The following PHF24 variants were observed in gnomAD, a reference collection of about 807,000 sequenced individuals.
PHF24 encodes the protein Galpha inhibitory interacting protein.
In PHF24, 25 loss-of-function variants were observed where a neutral mutation model predicts 42.6. That is an observed-to-expected ratio of 0.59 (90% CI 0.43 to 0.82). The LOEUF is 0.82. PHF24 is among the 40% of genes least tolerant of loss of function. The pLI is 0.00. For missense variants in PHF24, 470 were observed against 538.1 expected (o/e 0.87, Z 1.25); for synonymous variants, 185 against 204.8 (o/e 0.90, Z 0.83).
At chr9:34,683,987 C>T in the PHF24 span, among the ~76,000 whole-genome samples, 1,121 of 152,240 alleles carry the variant, frequency 7.4e-3, 9 homozygotes, top group East Asian at 0.031. Context: ...TGTACTGTAC[C>T]GTATGCTCTG....
chr9:34,682,037 T>C, the PHF24 span, among the ~76,000 whole-genome samples: 3 of 152,304 alleles, frequency 2.0e-5, no homozygotes, highest in Middle Eastern at 6.8e-3. Context: ...TGCAGTGTCA[T>C]GGTCACGGCT....
chr9:34,954,120 G>A (rs1648768515), upstream of PHF24, among the ~76,000 whole-genome samples: 1 of 152,036 alleles, frequency 6.6e-6, no homozygotes, highest in East Asian at 1.9e-4. Flanking sequence ...GACCTGCCTG[G>A]GCAACATAGC....
chr9:34,759,501 T>C, the PHF24 span, among the ~76,000 whole-genome samples: 2 of 152,188 alleles, frequency 1.3e-5, no homozygotes, highest in Admixed American at 6.5e-5. Flanking sequence ...TGTCCAGTGT[T>C]GGGTGTAGGG....
chr9:34,754,685 C>T, the PHF24 span, among the ~76,000 whole-genome samples: 2 of 152,082 alleles, frequency 1.3e-5, no homozygotes, highest in African/African-American at 4.8e-5. Context: ...CCATATGACC[C>T]AGCAATCCCA....
chr9:34,861,876 A>G, the PHF24 span, among the ~76,000 whole-genome samples: 1 of 152,206 alleles, frequency 6.6e-6, no homozygotes, highest in African/African-American at 2.4e-5. Flanking sequence ...TAACATCATC[A>G]ATACTAGAAC....
chr9:34,972,536 G>A lies in PHF24; in HGVS notation c.564+5G>A. On this transcript the variant is annotated splice_donor_5th_base_variant and intron_variant, in intron 3 of 7. Coordinates refer to ENST00000242315, the Ensembl canonical transcript of PHF24. ...GGCTGGAGCTGCCACTACTGTGTAA[G>A]TCTGGACTGCAGGGACAGCAGAGGA... 6.2e-7 allele frequency: 1 copy of A among 1,601,034 alleles called. No individual in the cohort carries two copies. The highest frequency in any genetic ancestry group is 8.5e-7 in the Non-Finnish European group (1 of 1,172,266).
the PHF24 span, among the ~76,000 whole-genome samples, chr9:34,699,076 G>A: frequency 6.6e-6 from 1 of 152,216 alleles, no homozygotes; most frequent in Non-Finnish European, 1.5e-5. Flanking sequence ...TGCTATCTAA[G>A]CAAATCATAT....
chr9:34,728,594 A>C, the PHF24 span: 3 of 1,549,816 alleles, frequency 1.9e-6, no homozygotes, highest in Non-Finnish European at 2.6e-6. Flanking sequence ...GTCAGAGGAG[A>C]GATTGGGACT....
chr9:34,797,914 G>A, the PHF24 span, among the ~76,000 whole-genome samples: 2 of 152,090 alleles, frequency 1.3e-5, no homozygotes, highest in East Asian at 1.9e-4. Flanking sequence ...AAGGGACCAC[G>A]CTCTTCCTTT....
At chr9:34,945,242 T>C in the PHF24 span, among the ~76,000 whole-genome samples, 1 of 152,218 alleles carries the variant, frequency 6.6e-6, no homozygotes, top group African/African-American at 2.4e-5. Context: ...ATGGGTGAAC[T>C]ATACCCGGAA....
At chr9:34,679,240 G>A in the PHF24 span, among the ~76,000 whole-genome samples, 486 of 152,300 alleles carry the variant, frequency 3.2e-3, 4 homozygotes, top group East Asian at 3.5e-3. Context: ...GGTGTCTGTG[G>A]CCAATTACCA....
At chr9:34,892,584 A>G in the PHF24 span, 10 of 454,312 alleles carry the variant, frequency 2.2e-5, no homozygotes, top group Non-Finnish European at 3.9e-5. Flanking sequence ...ATGTAGGGTC[A>G]TAGGCTGTTG....
the PHF24 span, among the ~76,000 whole-genome samples, chr9:34,884,363 T>TA: frequency 6.6e-6 from 1 of 152,188 alleles, no homozygotes; most frequent in African/African-American, 2.4e-5. Context: ...CCCTAGAACT[T>TA]AAAGCATTTA....
At chr9:34,690,993 C>T in the PHF24 span, 1 of 1,084,034 alleles carries the variant, frequency 9.2e-7, no homozygotes, top group Admixed American at 2.3e-5. Context: ...CTGAACTCAC[C>T]ATGTCCCTTA....
the PHF24 span, among the ~76,000 whole-genome samples, chr9:34,874,228 T>C: frequency 0.99 from 150,318 of 152,284 alleles, 74,214 homozygotes; most frequent in Middle Eastern, 1. Context: ...ACTTCCAACA[T>C]TATGTTGAAT....
At chr9:34,690,377 A>G in the PHF24 span, 4 of 1,604,650 alleles carry the variant, frequency 2.5e-6, no homozygotes, top group Non-Finnish European at 3.4e-6. Context: ...GGACACAGGG[A>G]CCCTTGAGGG....
chr9:34,920,395 CT>C, the PHF24 span, among the ~76,000 whole-genome samples: 1 of 152,110 alleles, frequency 6.6e-6, no homozygotes, highest in African/African-American at 2.4e-5. Context: ...CAGTACCATG[CT>C]CTTTTTGTTA....
At chr9:34,705,599 C>T in the PHF24 span, among the ~76,000 whole-genome samples, 4 of 152,182 alleles carry the variant, frequency 2.6e-5, no homozygotes, top group East Asian at 1.9e-4. Context: ...TGCCTTTACA[C>T]GCATACATGC....
the PHF24 span, among the ~76,000 whole-genome samples, chr9:34,940,266 T>C: frequency 6.6e-6 from 1 of 151,856 alleles, no homozygotes; most frequent in African/African-American, 2.4e-5. Flanking sequence ...CACACAATTC[T>C]CCCTCCCAGA....
Sources: allele counts gnomAD v4.1 joint callset (sites outside exome capture counted in the v4.1 genomes callset), GRCh38; gene constraint gnomAD v4.1.1; transcripts MANE v1.5; gene names NCBI Gene and HGNC (gene_info 2026-07-23, HGNC 2026-07-21).